GMIP: variants seen among roughly 807,000 people sequenced by gnomAD.
GMIP encodes GEM interacting protein, also known as GEM-interacting protein.
GMIP carries 54 observed loss-of-function variants against 105.3 expected under a neutral mutation model. The ratio of observed to expected loss-of-function variants is 0.51; its 90% CI spans 0.41 to 0.64. The LOEUF is 0.64. GMIP is among the 30% of genes least tolerant of loss of function. The pLI is 0.00. For synonymous variants in GMIP, 541 were observed against 560.8 expected (o/e 0.96, Z 0.50); for missense variants, 1,110 against 1,319.4 (o/e 0.84, Z 2.46).
rs757839419 is a variant in GMIP at position 19,633,864 on chromosome 19, G to T, written c.2411C>A (p.Pro804His). Residue 804 changes from proline (P) to histidine (H), a missense_variant, in exon 19 of 21, where the codon CCC becomes CAC. Pro to His is a moderately conservative substitution (Grantham distance 77). Coordinates refer to ENST00000203556, the MANE Select transcript of GMIP (RefSeq NM_016573.4). Reference protein sequence around the residue: ...DSQPPVLASDPGPDPQHHSTL... With the variant: ...DSQPPVLASDHGPDPQHHSTL... ...ACTGTGGTGCTGGGGGTCTGGGCCG[G>T]GGTCTGAGGCTAGGACTGGGGGCTG... 1 of 1,499,922 alleles carries T rather than the reference G, an allele frequency of 6.7e-7. No homozygotes were observed. Among genetic ancestry groups the T allele is most frequent in the Non-Finnish European group, 8.9e-7 (1 of 1,125,290 alleles). The allele number at this position is 1,499,922 out of a possible 1,614,324, so 92.9% of individuals were successfully genotyped here. A position where few individuals can be genotyped will look rare whatever the true frequency, so the allele number is the denominator to read the frequency against.
At chr19:19,632,921 T>G (rs8113682) in intron 19 of GMIP, among the ~76,000 whole-genome samples, 117,536 of 151,994 alleles carry the variant, frequency 0.77, 45,680 homozygotes, top group African/African-American at 0.83. Context: ...ATCTCCATGT[T>G]GCCAGCTCAC....
At chr19:19,642,749 G>A (rs531887688) in intron 1 of GMIP, 130 bp from the exon 2 acceptor site, 8 of 513,202 alleles carry the variant, frequency 1.6e-5, no homozygotes, top group South Asian at 2.8e-5. Flanking sequence ...GGCTGGGGGG[G>A]GCTTGGTTGG....
Position 19,635,446 on chromosome 19 carries a change from G to T in GMIP, c.1529C>A (p.Ala510Asp), listed in dbSNP as rs1382319237. The stretch of plus-strand genomic sequence containing the variant: ...ACACTCCGTCCCGCTGACCATGAAG[G>T]CTTCGCACTCGCGGCACTTGGCTGG... The part of the protein sequence containing the change: ...RGPAKCRECE[A>D]FMVSGTECEE... The change falls in exon 15 of 21, where the codon GCC (alanine) becomes GAC (aspartate). Residue 510 changes from alanine (A) to aspartate (D), a missense_variant. Ala to Asp is a moderately radical substitution (Grantham distance 126). Transcript: ENST00000203556. This position sits in a 1 kb window ranked among gnomAD's most constrained non-coding sequence, Gnocchi z 4.7. 8 of 1,609,824 alleles carry T rather than the reference G, an allele frequency of 5.0e-6. No individual in the cohort carries two copies. The East Asian group carries it at 1.1e-4, about 22-fold the overall frequency.
chr19:19,634,467 GA>G lies in GMIP; in HGVS notation c.2084+39del, dbSNP rs375784717. On this transcript the variant is annotated intron_variant, in intron 18 of 20. Coordinates refer to ENST00000203556, the MANE Select transcript of GMIP (RefSeq NM_016573.4). The surrounding 1 kb of genome is among the most constrained non-coding windows in gnomAD (Gnocchi z 6.1). The stretch of plus-strand genomic sequence containing the variant: ...GGAAGTTAGTAGTCGCATGTCCAGG[GA>G]AAAGGGTCGCGTTTCAAGGCTCAGG... 210 of 1,539,808 alleles carry G rather than the reference GA, an allele frequency of 1.4e-4. 2 individuals carry two copies. The South Asian group carries it at 2.2e-3, about 16-fold the overall frequency.
intron 1 of GMIP, chr19:19,643,087 C>G (rs945090822): frequency 1.4e-5 from 3 of 221,570 alleles, no homozygotes; most frequent in African/African-American, 6.8e-5. Flanking sequence ...AACACCAAGT[C>G]GGACCCCGCC....
Position 19,638,273 on chromosome 19 carries a change from C to G in GMIP, c.675G>C (p.Glu225Asp). 6.2e-7 allele frequency: 1 copy of G among 1,608,460 alleles called. No individual in the cohort carries two copies. The highest frequency in any genetic ancestry group is 8.5e-7 in the Non-Finnish European group (1 of 1,179,750). The change falls in exon 9 of 21, where the codon GAG (glutamate) becomes GAC (aspartate). Residue 225 changes from glutamate (E) to aspartate (D), a missense_variant. By Grantham distance (45) the Glu-to-Asp change is conservative. Transcript: ENST00000203556. ...RAQLQYVQRS[E>D]DLRARSQGSP... ...ACCCCTGGGAGCGTGCCCGCAGGTC[C>G]TCGCTGCGTTGCACATACTGCAGCT...
At chr19:19,640,273 CG>C (rs769559523) in intron 6 of GMIP, 22 bp downstream of exon 6, 29 of 1,603,364 alleles carry the variant, frequency 1.8e-5, no homozygotes, top group Admixed American at 5.1e-5. Context: ...TTGGGCTCTC[CG>C]GGGGGGTCTG....
intron 13 of GMIP, among the ~76,000 whole-genome samples, chr19:19,636,253 T>C (rs956481161): frequency 6.7e-6 from 1 of 149,360 alleles, no homozygotes; most frequent in African/African-American, 2.5e-5. Context: ...CCGGGCGTGG[T>C]GGCACACACC....
In GMIP at chr19:19,629,929, C is replaced by G; in HGVS notation, c.*34G>C. On this transcript the variant is annotated 3_prime_UTR_variant, in exon 21 of 21. Coordinates refer to ENST00000203556, the MANE Select transcript of GMIP (RefSeq NM_016573.4). ...GGATATATGGGTCCGTCTTCACAATCTGGGCCTCTTCCTTATTTAAGGTGC... is the reference window on the plus strand; with the variant it reads ...GGATATATGGGTCCGTCTTCACAATGTGGGCCTCTTCCTTATTTAAGGTGC... The G allele has an allele frequency of 6.3e-7, 1 of 1,589,508 alleles. No homozygotes were observed. The highest frequency in any genetic ancestry group is 8.5e-7 in the Non-Finnish European group (1 of 1,169,874).
chr19:19,630,246 A>C lies in GMIP; in HGVS notation c.2630T>G (p.Val877Gly). The change falls in exon 21 of 21, where the codon GTG (valine) becomes GGG (glycine). Residue 877 changes from valine to glycine, a missense_variant. Physicochemically the swap from Val to Gly is moderately radical, Grantham distance 109. Transcript: ENST00000203556. This position sits in a 1 kb window ranked among gnomAD's most constrained non-coding sequence, Gnocchi z 4.8. ...RQPVKYPRGG[V>G]RPVTHQLSSL... ...GGACAGCTGGTGGGTTACAGGCCTC[A>C]CACCGCCCCGGGGATACTTCACTGG... 1 of 1,578,854 alleles carries C rather than the reference A, an allele frequency of 6.3e-7. No homozygotes were observed. Among genetic ancestry groups the C allele is most frequent in the Non-Finnish European group, 8.6e-7 (1 of 1,159,234 alleles).
rs753741714 is a variant in GMIP, at chr19:19,643,493, G to C, written c.19+18C>G. ...GGGATGGTCGGGGGAGGCCCCTCCC[G>C]GATCCCCGACCCCCTACCCGGCTCT... is the stretch of plus-strand genomic sequence containing the variant. On this transcript the variant is annotated intron_variant, in intron 1 of 20. Transcript: ENST00000203556. 77 of 1,544,184 alleles carry C rather than the reference G, an allele frequency of 5.0e-5. No homozygotes were observed. The highest frequency in any genetic ancestry group is 6.4e-5 in the Non-Finnish European group (73 of 1,142,496).
intron 19 of GMIP, among the ~76,000 whole-genome samples, chr19:19,631,568 G>A (rs1024511975): frequency 3.3e-5 from 5 of 152,228 alleles, no homozygotes; most frequent in Non-Finnish European, 5.9e-5. Context: ...AATGGCAGAT[G>A]CAGCAAGATA....
chr19:19,638,517 C>G (rs887357301), intron 7 of GMIP, 35 bp from the exon 8 acceptor site: 3 of 1,578,744 alleles, frequency 1.9e-6, no homozygotes, highest in African/African-American at 2.7e-5. Context: ...GGAGACGCTG[C>G]CTTAGGGCCA....
rs758071599 is a variant in GMIP at position 19,634,604 on chromosome 19, G to A, written c.1987C>T (p.Pro663Ser). 3.1e-6 allele frequency: 5 copies of A among 1,613,566 alleles called. No homozygotes were observed. The African/African-American group carries it at 5.3e-5, about 17-fold the overall frequency. ...DPGDDPGTPS[P>S]SPEVIRSLKT... ...AGCGAGCGGATAACCTCAGGGCTGG[G>A]GCTGGGGGTCCCAGGGTCGTCCCCA... Residue 663 changes from proline to serine, a missense_variant, in exon 18 of 21, where the codon CCC becomes TCC. Pro to Ser is a moderately conservative substitution (Grantham distance 74). Transcript: ENST00000203556. The surrounding 1 kb of genome is among the most constrained non-coding windows in gnomAD (Gnocchi z 6.1).
intron 19 of GMIP, among the ~76,000 whole-genome samples, chr19:19,631,975 G>A (rs578017851): frequency 2.2e-5 from 3 of 137,110 alleles, no homozygotes; most frequent in Non-Finnish European, 3.1e-5. Flanking sequence ...GTGACAGAGC[G>A]AGACTCCATC....
Position 19,637,645 on chromosome 19 carries a change from A to T in GMIP, c.928-84T>A. On this transcript the variant is annotated intron_variant, in intron 10 of 20. Transcript: ENST00000203556. The surrounding 1 kb of genome is among the most constrained non-coding windows in gnomAD (Gnocchi z 6.7). ...CCAGAGCTGGGGCGGGGCTTGAGAG[A>T]CGCGAACGTGGTCAGGGTTTGGGAC... 1 of 1,154,582 alleles carries T rather than the reference A, an allele frequency of 8.7e-7. No individual in the cohort carries two copies. Among genetic ancestry groups the T allele is most frequent in the Non-Finnish European group, 1.2e-6 (1 of 849,584 alleles). The allele number at this position is 1,154,582 out of a possible 1,614,324, so 71.5% of individuals were successfully genotyped here.
chr19:19,635,464 T>A lies in GMIP; in HGVS notation c.1511A>T (p.Lys504Met). 1 of 1,610,412 alleles carries A rather than the reference T, an allele frequency of 6.2e-7. No homozygotes were observed. The highest frequency in any genetic ancestry group is 8.5e-7 in the Non-Finnish European group (1 of 1,180,004). Residue 504 changes from lysine to methionine, a missense_variant, in exon 15 of 21, where the codon AAG becomes ATG. Around this residue, in one of 3 missense-constraint regions of GMIP, gnomAD observed 667 missense variants for 773.2 expected, o/e 0.86. Coordinates refer to ENST00000203556, the MANE Select transcript of GMIP (RefSeq NM_016573.4). The surrounding 1 kb of genome is among the most constrained non-coding windows in gnomAD (Gnocchi z 4.7). Reference protein sequence around the residue: ...HQLRRLRGPAKCRECEAFMVS... With the variant: ...HQLRRLRGPAMCRECEAFMVS... ...CATGAAGGCTTCGCACTCGCGGCAC[T>A]TGGCTGGGCCCCGCAGTCGCCGCAG...
chr19:19,634,960 G>T lies in GMIP; in HGVS notation c.1750-31C>A. ...GGGTGAGGGTGAAAAACAGACACCT[G>T]GTTCGTGATAGGCCATCGATTCGGT... On this transcript the variant is annotated intron_variant, in intron 16 of 20. Transcript: ENST00000203556. The surrounding 1 kb of genome is among the most constrained non-coding windows in gnomAD (Gnocchi z 6.1). 6.2e-7 allele frequency: 1 copy of T among 1,613,774 alleles called. No individual in the cohort carries two copies.
In GMIP at chr19:19,630,192, C is replaced by T; in HGVS notation, c.2684G>A (p.Cys895Tyr). The T allele has an allele frequency of 1.2e-6, 2 of 1,601,874 alleles. No homozygotes were observed. Among genetic ancestry groups the T allele is most frequent in the South Asian group, 2.2e-5 (2 of 90,188 alleles). The change falls in exon 21 of 21, where the codon TGC (cysteine) becomes TAC (tyrosine). Residue 895 changes from cysteine to tyrosine, a missense_variant. Physicochemically the swap from Cys to Tyr is radical, Grantham distance 194. This residue lies in a region of GMIP where 394 missense variants were observed against 450.5 expected (regional missense o/e 0.87). Coordinates refer to ENST00000203556, the MANE Select transcript of GMIP (RefSeq NM_016573.4). This position sits in a 1 kb window ranked among gnomAD's most constrained non-coding sequence, Gnocchi z 4.8. ...CACTGATGTGATGGGGGTCTCCTCG[C>T]ACAGCTTGGAAGCCACCAGGGCCAG... ...SSLALVASKL[C>Y]EETPITSVPR...
Sources: gnomAD v4.1 joint callset for allele counts (sites outside exome capture counted in the v4.1 genomes callset) on GRCh38, gnomAD v4.1.1 for gene constraint, gnomAD v4.1.1 regional missense constraint, Gnocchi (gnomAD v3.1) non-coding constraint, MANE v1.5 for transcripts, NCBI Gene and HGNC (gene_info 2026-07-23, HGNC 2026-07-21) for gene names.